The following ARB2A variants were observed in gnomAD, a reference collection of about 807,000 sequenced individuals.
ARB2A encodes the protein cotranscriptional regulator ARB2A.
chr5:93,766,327 C>G, the ARB2A span, among the ~76,000 whole-genome samples: 1 of 152,014 alleles, frequency 6.6e-6, no homozygotes, highest in Admixed American at 6.6e-5. Flanking sequence ...ACAATGAACT[C>G]CAACAAATTT....
At chr5:93,899,345 C>A in the ARB2A span, among the ~76,000 whole-genome samples, 1 of 151,974 alleles carries the variant, frequency 6.6e-6, no homozygotes, top group Non-Finnish European at 1.5e-5. Flanking sequence ...CTAAGAAGAT[C>A]CTAAAATAAG....
At chr5:93,908,674 G>GT in the ARB2A span, among the ~76,000 whole-genome samples, 229 of 150,114 alleles carry the variant, frequency 1.5e-3, 2 homozygotes, top group South Asian at 6.1e-3. Context: ...TAATGATAAA[G>GT]TTTTTTTTTA....
chr5:94,089,461 C>T, the ARB2A span, among the ~76,000 whole-genome samples: 1 of 152,096 alleles, frequency 6.6e-6, no homozygotes, highest in African/African-American at 2.4e-5. Context: ...TAAATAAATA[C>T]CTGAAATCTG....
the ARB2A span, among the ~76,000 whole-genome samples, chr5:93,893,354 C>T: frequency 6.6e-6 from 1 of 152,120 alleles, no homozygotes; most frequent in African/African-American, 2.4e-5. Flanking sequence ...CCCCTACCCT[C>T]CCCCAAAATG....
the ARB2A span, among the ~76,000 whole-genome samples, chr5:93,905,772 T>A: frequency 6.6e-6 from 1 of 151,612 alleles, no homozygotes; most frequent in Admixed American, 6.6e-5. Context: ...TTATTCTGTT[T>A]AAACAAATTC....
the ARB2A span, chr5:93,863,065 T>C: frequency 6.6e-6 from 1 of 151,978 alleles, no homozygotes; most frequent in Non-Finnish European, 1.5e-5. Context: ...AGAGAAGAGA[T>C]GCCCCTTGCC....
chr5:94,025,566 A>G, the ARB2A span, among the ~76,000 whole-genome samples: 1 of 151,470 alleles, frequency 6.6e-6, no homozygotes, highest in South Asian at 2.1e-4. Flanking sequence ...AAGGAATTAC[A>G]GTAATCTAGT....
chr5:94,008,381 G>A, the ARB2A span, among the ~76,000 whole-genome samples: 2 of 152,158 alleles, frequency 1.3e-5, no homozygotes, highest in African/African-American at 4.8e-5. Context: ...CAATCATCTG[G>A]AGATAGTATT....
At chr5:93,810,424 AC>A in the ARB2A span, among the ~76,000 whole-genome samples, 1 of 151,950 alleles carries the variant, frequency 6.6e-6, no homozygotes, top group East Asian at 1.9e-4. Context: ...GCTTTTGGAG[AC>A]AGGGTCTGGC....
At chr5:93,911,585 A>C in the ARB2A span, among the ~76,000 whole-genome samples, 1 of 151,498 alleles carries the variant, frequency 6.6e-6, no homozygotes, top group African/African-American at 2.4e-5. Flanking sequence ...AAATAGGAAA[A>C]GGTTCACCTT....
the ARB2A span, among the ~76,000 whole-genome samples, chr5:93,757,583 C>A: frequency 1.3e-5 from 2 of 152,258 alleles, no homozygotes; most frequent in East Asian, 3.9e-4. Flanking sequence ...CTTCAGTCTC[C>A]TCAAACAAAA....
the ARB2A span, among the ~76,000 whole-genome samples, chr5:93,814,962 C>A: frequency 1.3e-5 from 2 of 152,054 alleles, no homozygotes; most frequent in South Asian, 4.1e-4. Flanking sequence ...CTCAGCCTCC[C>A]GAATAGCTGG....
the ARB2A span, among the ~76,000 whole-genome samples, chr5:93,778,004 A>C: frequency 2.6e-5 from 4 of 152,234 alleles, no homozygotes; most frequent in African/African-American, 9.6e-5. Flanking sequence ...TAGATCAATG[A>C]AACTATTGAA....
At chr5:94,099,568 G>A in the ARB2A span, among the ~76,000 whole-genome samples, 14 of 139,700 alleles carry the variant, frequency 1.0e-4, no homozygotes, top group African/African-American at 3.7e-4. Flanking sequence ...AGCTTGCAGT[G>A]AGCCGAGATC....
At chr5:94,076,303 C>T in the ARB2A span, among the ~76,000 whole-genome samples, 2 of 152,212 alleles carry the variant, frequency 1.3e-5, no homozygotes, top group African/African-American at 2.4e-5. Context: ...CTACTTTTCA[C>T]TGGGAAAGCC....
chr5:93,672,188 G>C, the ARB2A span, among the ~76,000 whole-genome samples: 3 of 151,960 alleles, frequency 2.0e-5, no homozygotes, highest in African/African-American at 7.3e-5. Flanking sequence ...ATCTGACTTG[G>C]GCATGACAAT....
At chr5:93,789,086 G>C in the ARB2A span, among the ~76,000 whole-genome samples, 1 of 152,062 alleles carries the variant, frequency 6.6e-6, no homozygotes, top group Non-Finnish European at 1.5e-5. Context: ...GCTATGTTTG[G>C]ATATATCACA....
At chr5:94,071,429 G>A in the ARB2A span, among the ~76,000 whole-genome samples, 11 of 152,022 alleles carry the variant, frequency 7.2e-5, no homozygotes, top group African/African-American at 1.4e-4. Context: ...TTTGCCCTAC[G>A]AAAGACCTGT....
the ARB2A span, among the ~76,000 whole-genome samples, chr5:94,086,715 G>A: frequency 1.3e-5 from 2 of 152,034 alleles, no homozygotes; most frequent in African/African-American, 4.8e-5. Context: ...ACCACGCCTG[G>A]CTAATATTTG....
Sources: allele counts gnomAD v4.1 joint callset (sites outside exome capture counted in the v4.1 genomes callset), GRCh38; gene constraint gnomAD v4.1.1; transcripts MANE v1.5; gene names NCBI Gene and HGNC (gene_info 2026-07-23, HGNC 2026-07-21).